FSTL5: variants seen among roughly 807,000 people sequenced by gnomAD.
FSTL5 encodes the protein follistatin-related protein 5.
Under a neutral mutation model 89.1 loss-of-function variants are expected in FSTL5, and 62 were observed. That is an observed-to-expected ratio of 0.70 (90% CI 0.57 to 0.86). FSTL5 has a LOEUF of 0.86. Ranked by LOEUF, FSTL5 falls within the 40% of genes least tolerant of loss-of-function variation. The pLI is 0.00. For synonymous variants in FSTL5, 383 were observed against 346.2 expected (o/e 1.11, Z -1.18); for missense variants, 1,057 against 1,001.6 (o/e 1.06, Z -0.75).
intron 4 of FSTL5, among the ~76,000 whole-genome samples, chr4:161,825,618 G>A (rs1730643611): frequency 6.6e-6 from 1 of 151,958 alleles, no homozygotes; most frequent in Admixed American, 6.6e-5. Flanking sequence ...TAATCTAGGA[G>A]GGTTGTATAT....
chr4:161,622,715 ATC>A (rs1355353519), intron 7 of FSTL5, among the ~76,000 whole-genome samples: 2 of 152,090 alleles, frequency 1.3e-5, no homozygotes, highest in African/African-American at 4.8e-5. Context: ...CATTAATATA[ATC>A]TGTTACGTAA....
intron 8 of FSTL5, among the ~76,000 whole-genome samples, chr4:161,577,192 T>G (rs865978435): frequency 6.6e-6 from 1 of 152,134 alleles, no homozygotes; most frequent in Admixed American, 6.5e-5. Context: ...ATTTCTAAAT[T>G]TATTGTATGT....
intron 4 of FSTL5, among the ~76,000 whole-genome samples, chr4:161,886,793 ACTC>A (rs1358533420): frequency 6.6e-6 from 1 of 152,016 alleles, no homozygotes; most frequent in African/African-American, 2.4e-5. Context: ...CATATAGCAC[ACTC>A]CTCATTTTAG....
intron 6 of FSTL5, among the ~76,000 whole-genome samples, chr4:161,719,911 G>A (rs7692635): frequency 0.98 from 148,767 of 152,244 alleles, 72,769 homozygotes; most frequent in East Asian, 1. Flanking sequence ...CTCAAAATGG[G>A]TTGAAAGACT....
At chr4:161,903,969 T>C (rs1334425155) in intron 4 of FSTL5, among the ~76,000 whole-genome samples, 1 of 151,850 alleles carries the variant, frequency 6.6e-6, no homozygotes, top group Non-Finnish European at 1.5e-5. Context: ...ACTACACTAC[T>C]AGAAAAACTC....
At chr4:161,850,810 C>A (rs1290310945) in intron 4 of FSTL5, among the ~76,000 whole-genome samples, 1 of 152,112 alleles carries the variant, frequency 6.6e-6, no homozygotes, top group Non-Finnish European at 1.5e-5. Context: ...AAATGTGGTA[C>A]ATATACAAAA....
intron 7 of FSTL5, among the ~76,000 whole-genome samples, chr4:161,652,488 CT>C (rs1160610243): frequency 6.6e-6 from 1 of 152,012 alleles, no homozygotes; most frequent in African/African-American, 2.4e-5. Context: ...ATAAGATTCC[CT>C]GCTTCATAGA....
chr4:161,540,320 C>A (rs1731776716), intron 9 of FSTL5, among the ~76,000 whole-genome samples: 1 of 152,106 alleles, frequency 6.6e-6, no homozygotes, highest in African/African-American at 2.4e-5. Flanking sequence ...TTCACTTGAC[C>A]TTTCCAGTTA....
intron 4 of FSTL5, among the ~76,000 whole-genome samples, chr4:161,830,335 T>C (rs985361540): frequency 2.0e-5 from 3 of 152,038 alleles, no homozygotes; most frequent in African/African-American, 7.2e-5. Flanking sequence ...CAAGTTCTTA[T>C]GTGGATAGTA....
chr4:162,131,637 G>A (rs940052027), intron 1 of FSTL5, among the ~76,000 whole-genome samples: 2 of 152,170 alleles, frequency 1.3e-5, no homozygotes, highest in African/African-American at 2.4e-5. Flanking sequence ...AGTACCTACT[G>A]CAGCAGGGGC....
chr4:161,760,994 A>G (rs141148089), intron 5 of FSTL5, among the ~76,000 whole-genome samples: 91 of 152,342 alleles, frequency 6.0e-4, no homozygotes, highest in African/African-American at 2.1e-3. Context: ...AAGCAGTGAT[A>G]TGTAATGTTA....
At chr4:161,681,097 T>G (rs1737503140) in intron 6 of FSTL5, among the ~76,000 whole-genome samples, 1 of 152,078 alleles carries the variant, frequency 6.6e-6, no homozygotes, top group Non-Finnish European at 1.5e-5. Flanking sequence ...CAGATAAATT[T>G]AATCCTGGGT....
chr4:161,532,680 C>A (rs1249321426), intron 10 of FSTL5, among the ~76,000 whole-genome samples: 1 of 152,066 alleles, frequency 6.6e-6, no homozygotes, highest in African/African-American at 2.4e-5. Context: ...TTAGAAATAT[C>A]TTTGCAGCAG....
intron 3 of FSTL5, among the ~76,000 whole-genome samples, chr4:162,032,094 C>T (rs1247600472): frequency 6.6e-6 from 1 of 152,084 alleles, no homozygotes; most frequent in Non-Finnish European, 1.5e-5. Context: ...GTTGGAAAAA[C>T]ATAATTTCTA....
At chr4:161,399,993 T>A (rs1731131028) in intron 15 of FSTL5, among the ~76,000 whole-genome samples, 1 of 152,146 alleles carries the variant, frequency 6.6e-6, no homozygotes, top group Non-Finnish European at 1.5e-5. Context: ...ATAGATTTGT[T>A]TATAATTAAT....
At chr4:162,083,422 T>C (rs568267932) in intron 2 of FSTL5, among the ~76,000 whole-genome samples, 3 of 151,888 alleles carry the variant, frequency 2.0e-5, no homozygotes, top group East Asian at 3.9e-4. Flanking sequence ...AGTTCAACTT[T>C]AGGGTGTAAA....
At chr4:161,459,389 T>C in intron 13 of FSTL5, 70 bp from the exon 14 acceptor site, 1 of 907,558 alleles carries the variant, frequency 1.1e-6, no homozygotes, top group Non-Finnish European at 1.7e-6. Flanking sequence ...CCAGAAATTA[T>C]GAAGATTCTA....
At chr4:161,460,215 CT>C (rs1183368792) in intron 13 of FSTL5, among the ~76,000 whole-genome samples, 7 of 151,640 alleles carry the variant, frequency 4.6e-5, no homozygotes, top group Non-Finnish European at 8.8e-5. Context: ...AGAGAATTTT[CT>C]TTTTTTTCTT....
chr4:162,094,678 A>G (rs981528472), intron 2 of FSTL5, among the ~76,000 whole-genome samples: 4 of 152,214 alleles, frequency 2.6e-5, no homozygotes, highest in Admixed American at 2.0e-4. Flanking sequence ...AAACTAATTC[A>G]TAGTGAAATA....
Sources: gnomAD v4.1 joint callset for allele counts (sites outside exome capture counted in the v4.1 genomes callset) on GRCh38, gnomAD v4.1.1 for gene constraint, MANE v1.5 for transcripts, NCBI Gene and HGNC (gene_info 2026-07-23, HGNC 2026-07-21) for gene names.